CMC2: variants seen among roughly 807,000 people sequenced by gnomAD.
CMC2 encodes the protein COX assembly mitochondrial protein 2 homolog.
A neutral mutation model predicts 7.5 loss-of-function variants in CMC2; 5 were observed. That is an observed-to-expected ratio of 0.66 (90% confidence interval 0.35 to 1.40). The LOEUF (loss-of-function observed/expected upper bound fraction) is 1.40, where lower values mean the gene tolerates loss of function less well. Ranked by LOEUF, CMC2 falls within the 40% of genes most tolerant of loss-of-function variation. The pLI, the probability that CMC2 is intolerant of heterozygous loss-of-function variation, is 0.04. For missense variants in CMC2, 115 were observed against 92.3 expected (o/e 1.25, Z -1.01); for synonymous variants, 37 against 31.4 (o/e 1.18, Z -0.60).
At chr16:80,996,854 A>G (rs367555944) in intron 2 of CMC2, 81 of 234,782 alleles carry the variant, frequency 3.5e-4, no homozygotes, top group African/African-American at 1.6e-3. Flanking sequence ...TCCACTAACA[A>G]CTAAACACAT....
Position 81,006,868 on chromosome 16 carries a change from C to G in CMC2, c.-170G>C, listed in dbSNP as rs927881701. 1 of 986,110 alleles carries G rather than the reference C, an allele frequency of 1.0e-6. No homozygotes were observed. 61.1% of individuals were successfully genotyped at this position (986,110 alleles called of 1,614,324 possible). A position where few individuals can be genotyped will look rare whatever the true frequency, so the allele number is the denominator to read the frequency against. On this transcript the variant is annotated 5_prime_UTR_variant, in exon 1 of 4. Coordinates refer to ENST00000219400, the MANE Select transcript of CMC2 (RefSeq NM_020188.5). ...AAACCCAGTGACGCCCTCCACCGCT[C>G]CACCGTGCTCCCGGCTCCTCGCCCC... is the stretch of plus-strand genomic sequence containing the variant.
At chr16:80,985,480 C>G (rs1386401272) in intron 2 of CMC2, among the ~76,000 whole-genome samples, 1 of 152,118 alleles carries the variant, frequency 6.6e-6, no homozygotes, top group Non-Finnish European at 1.5e-5. Context: ...ACTATGCTAA[C>G]ATGTCATCTT....
chr16:80,994,043 C>T lies in CMC2; in HGVS notation c.81+3271G>A, dbSNP rs11861516. On this transcript the variant is annotated intron_variant, in intron 2 of 3. Transcript: ENST00000219400. ...ACTAGAGAGCCCAGAAATAGACCCA[C>T]TCACATATGGTAAATTGATTTTTGA... Among the ~76,000 whole-genome samples the T allele has an allele frequency of 2.0e-3, 311 of 152,238 alleles. 3 individuals carry two copies. The highest frequency in any genetic ancestry group is 6.8e-3 in the African/African-American group (283 of 41,526).
At chr16:80,989,854 T>C (rs1022790681) in intron 2 of CMC2, among the ~76,000 whole-genome samples, 2 of 152,212 alleles carry the variant, frequency 1.3e-5, no homozygotes, top group African/African-American at 4.8e-5. Context: ...TGTTTACTTA[T>C]TTGCTCAGTC....
chr16:81,005,773 C>G (rs1969264108), intron 1 of CMC2, among the ~76,000 whole-genome samples: 1 of 152,164 alleles, frequency 6.6e-6, no homozygotes, highest in African/African-American at 2.4e-5. Flanking sequence ...TAAACATTAC[C>G]AGGACTTACA....
Position 80,972,533 on chromosome 16 carries a change from G to C in CMC2, c.*3560C>G, listed in dbSNP as rs970805413. The stretch of plus-strand genomic sequence containing the variant: ...ATCTTAAACTTCATTTATAAAAGGT[G>C]AGAAACAGCTCAACTTTCTAGCCTC... On this transcript the variant is annotated 3_prime_UTR_variant, in exon 4 of 4. Transcript: ENST00000219400. 1 of 152,154 alleles carries C rather than the reference G, an allele frequency of 6.6e-6. No homozygotes were observed. The highest frequency in any genetic ancestry group is 1.5e-5 in the Non-Finnish European group (1 of 68,034). 9.4% of individuals were successfully genotyped at this position (152,154 alleles called of 1,614,324 possible).
chr16:80,977,693 T>C (rs1454681907), intron 3 of CMC2, among the ~76,000 whole-genome samples: 2 of 152,180 alleles, frequency 1.3e-5, no homozygotes, highest in African/African-American at 4.8e-5. Context: ...TTTAAGAAGT[T>C]TTCTAGGTCA....
In CMC2 at chr16:80,986,559, G is replaced by A. The variant is rs371036047; in HGVS notation, c.82-4682C>T. On this transcript the variant is annotated intron_variant, in intron 2 of 3. Coordinates refer to ENST00000219400, the MANE Select transcript of CMC2 (RefSeq NM_020188.5). ...AACAAAAAAGAAAACAAAACCGCCA[G>A]GAGACCAGATAGAAGTCCTTTACAG... Among the ~76,000 whole-genome samples, 21 of 152,324 alleles carry A rather than the reference G, an allele frequency of 1.4e-4. No homozygotes were observed. The East Asian group carries it at 2.1e-3, about 15-fold the overall frequency.
At chr16:80,987,167 G>C (rs892246009) in intron 2 of CMC2, among the ~76,000 whole-genome samples, 3 of 152,120 alleles carry the variant, frequency 2.0e-5, no homozygotes, top group African/African-American at 7.2e-5. Flanking sequence ...GAAGAAAGCA[G>C]TATTCTTTCA....
rs1911936353 is a variant in CMC2, at chr16:80,971,633, T to C, written c.*4460A>G. ...ATATGTATGAAATCATGCATGAGAA[T>C]GAAATATATCAAAGTCAGGGTAGTA... On this transcript the variant is annotated 3_prime_UTR_variant, in exon 4 of 4. Coordinates refer to ENST00000219400, the MANE Select transcript of CMC2 (RefSeq NM_020188.5). 6.7e-6 allele frequency: 1 copy of C among 148,340 alleles called. No homozygotes were observed. The highest frequency in any genetic ancestry group is 2.5e-5 in the African/African-American group (1 of 39,526). The allele number at this position is 148,340 out of a possible 1,614,324, so 9.2% of individuals were successfully genotyped here.
chr16:80,982,539 A>AAAAAAAT (rs1967204144), intron 2 of CMC2: 1 of 150,074 alleles, frequency 6.7e-6, no homozygotes, highest in African/African-American at 2.4e-5. Flanking sequence ...AAAAAAAAAA[A>AAAAAAAT]GTGAATACTA....
rs558507305 is a variant in CMC2 at position 81,006,339 on chromosome 16, T to C, written c.-36+395A>G. On this transcript the variant is annotated intron_variant, in intron 1 of 3. Coordinates refer to ENST00000219400, the MANE Select transcript of CMC2 (RefSeq NM_020188.5). Reference sequence around the variant, plus strand: ...TTCTCAATTGCTAGATAAACAACAATAACAACACTTTATTGGGCGCTCATC... The same window carrying C: ...TTCTCAATTGCTAGATAAACAACAACAACAACACTTTATTGGGCGCTCATC... Among the ~76,000 whole-genome samples the C allele has an allele frequency of 2.6e-5, 4 of 152,312 alleles. No individual in the cohort carries two copies. In the East Asian group the frequency reaches 5.8e-4, roughly 22 times the overall value.
Position 80,976,123 on chromosome 16 carries a change from A to G in CMC2, c.210T>C (p.Leu70=). The part of the protein sequence containing the change: ...REHGIAMRKK[L]FNPPEESEK ...TTTCGGATTCCTCTGGAGGATTAAA[A>G]AGTTTCTTTCGCATTGCAATGCCAT... The change falls in exon 4 of 4, where the codon CTT becomes CTC. Residue 70 remains leucine, a synonymous_variant. Transcript: ENST00000219400. 1 of 1,610,094 alleles carries G rather than the reference A, an allele frequency of 6.2e-7. No homozygotes were observed. Among genetic ancestry groups the G allele is most frequent in the South Asian group, 1.1e-5 (1 of 90,968 alleles).
Position 80,968,838 on chromosome 16 carries a change from T to G in CMC2, c.*7255A>C, listed in dbSNP as rs1438017361. On this transcript the variant is annotated 3_prime_UTR_variant, in exon 4 of 4. Transcript: ENST00000219400. ...GCACATGCTATGCAGCCTAGACCAG[T>G]TCCAGGTACCAGGAAGTGAGGTTTT... The G allele has an allele frequency of 6.6e-6, 1 of 152,160 alleles. No homozygotes were observed. Among genetic ancestry groups the G allele is most frequent in the African/African-American group, 2.4e-5 (1 of 41,430 alleles). The allele number at this position is 152,160 out of a possible 1,614,324, so 9.4% of individuals were successfully genotyped here.
intron 2 of CMC2, among the ~76,000 whole-genome samples, chr16:80,990,659 G>A (rs1022922796): frequency 6.6e-6 from 1 of 152,016 alleles, no homozygotes; most frequent in African/African-American, 2.4e-5. Flanking sequence ...ATACTGTTTT[G>A]TCCTTTGACT....
chr16:80,975,332 G>C lies in CMC2; in HGVS notation c.*761C>G, dbSNP rs891879374. On this transcript the variant is annotated 3_prime_UTR_variant, in exon 4 of 4. Transcript: ENST00000219400. ...TTAAGTGTAAATATTTAATCTTTTAGTCTGGGCACAGTGGCTCACGCTTGT... is the reference window on the plus strand; with the variant it reads ...TTAAGTGTAAATATTTAATCTTTTACTCTGGGCACAGTGGCTCACGCTTGT... 5 of 152,230 alleles carry C rather than the reference G, an allele frequency of 3.3e-5. No homozygotes were observed. Among genetic ancestry groups the C allele is most frequent in the African/African-American group, 1.2e-4 (5 of 41,460 alleles). 9.4% of individuals were successfully genotyped at this position (152,230 alleles called of 1,614,324 possible).
chr16:80,991,068 T>C (rs1417886721), intron 2 of CMC2, among the ~76,000 whole-genome samples: 1 of 149,660 alleles, frequency 6.7e-6, no homozygotes, highest in Non-Finnish European at 1.5e-5. Flanking sequence ...ACTGAAAGAC[T>C]CTCAGTGGCC....
rs184621299 is a variant in CMC2 at position 80,981,825 on chromosome 16, C to G, written c.134G>C (p.Arg45Thr). The change falls in exon 3 of 4, where the codon AGA becomes ACA. Residue 45 changes from arginine (R) to threonine (T), a missense_variant. Physicochemically the swap from Arg to Thr is moderately conservative, Grantham distance 71. Coordinates refer to ENST00000219400, the MANE Select transcript of CMC2 (RefSeq NM_020188.5). Reference protein sequence around the residue: ...GYCNDVDRELRKCLKNEYVEN... With the variant: ...GYCNDVDRELTKCLKNEYVEN... ...TCTTACCTCATTCTTCAGGCATTTT[C>G]TCAACTCCCGATCAACATCATTACA... The G allele has an allele frequency of 5.0e-6, 8 of 1,609,778 alleles. No homozygotes were observed. Among genetic ancestry groups the G allele is most frequent in the Non-Finnish European group, 5.9e-6 (7 of 1,177,216 alleles).
chr16:80,972,089 T>C lies in CMC2; in HGVS notation c.*4004A>G, dbSNP rs1047527653. 5.3e-5 allele frequency: 8 copies of C among 152,234 alleles called. No individual in the cohort carries two copies. The highest frequency in any genetic ancestry group is 1.0e-4 in the Non-Finnish European group (7 of 68,070). The allele number at this position is 152,234 out of a possible 1,614,324, so 9.4% of individuals were successfully genotyped here. A position where few individuals can be genotyped will look rare whatever the true frequency, so the allele number is the denominator to read the frequency against. On this transcript the variant is annotated 3_prime_UTR_variant, in exon 4 of 4. Coordinates refer to ENST00000219400, the MANE Select transcript of CMC2 (RefSeq NM_020188.5). Reference sequence around the variant, plus strand: ...GGACAGAAATGGCCCCACAGGCCTCTAGCCCAGGCCACCTGCTCCATCTGA... The same window carrying C: ...GGACAGAAATGGCCCCACAGGCCTCCAGCCCAGGCCACCTGCTCCATCTGA...
Sources: allele counts gnomAD v4.1 joint callset (sites outside exome capture counted in the v4.1 genomes callset), GRCh38; gene constraint gnomAD v4.1.1; transcripts MANE v1.5; gene names NCBI Gene and HGNC (gene_info 2026-07-23, HGNC 2026-07-21).